Variants in SOX6 observed in about 807,000 individuals in gnomAD.
The protein encoded by SOX6 is SRY-box transcription factor 6.
SOX6 carries 11 observed loss-of-function variants against 97.8 expected under a neutral mutation model. The observed-to-expected ratio is 0.11, with a 90% confidence interval of 0.07 to 0.19. The LOEUF (loss-of-function observed/expected upper bound fraction) is 0.19, where lower values mean the gene tolerates loss of function less well. Among genes scored for constraint, SOX6 ranks in the 10% least tolerant of loss-of-function variants. The probability of loss-of-function intolerance (pLI) is 1.00; values close to 1 mark genes in which losing one functional copy is unlikely to be tolerated. For synonymous variants in SOX6, 360 were observed against 371.4 expected (o/e 0.97, Z 0.35); for missense variants, 810 against 1,039.5 (o/e 0.78, Z 3.04).
chr11:16,254,195 C>T (rs182379169), intron 3 of SOX6, among the ~76,000 whole-genome samples: 69 of 151,806 alleles, frequency 4.5e-4, no homozygotes, highest in South Asian at 6.2e-4. Flanking sequence ...AAATGTGTTG[C>T]CAGGAGATGT....
At chr11:16,328,240 C>T (rs944084798) in intron 2 of SOX6, among the ~76,000 whole-genome samples, 3 of 152,098 alleles carry the variant, frequency 2.0e-5, no homozygotes, top group East Asian at 1.9e-4. Context: ...CTTCCTAAGA[C>T]GTTCTATGGT....
chr11:16,301,135 G>A (rs1855245333), intron 3 of SOX6, among the ~76,000 whole-genome samples: 2 of 152,066 alleles, frequency 1.3e-5, no homozygotes, highest in Admixed American at 1.3e-4. Flanking sequence ...CTAGCAATGT[G>A]AGAAACAAAC....
At chr11:16,185,296 G>A (rs897456857) in intron 5 of SOX6, among the ~76,000 whole-genome samples, 1 of 152,116 alleles carries the variant, frequency 6.6e-6, no homozygotes, top group Non-Finnish European at 1.5e-5. Flanking sequence ...CTCTGCTTGT[G>A]GATATTCAAA....
intron 4 of SOX6, among the ~76,000 whole-genome samples, chr11:16,540,326 T>C (rs551594738): frequency 6.6e-6 from 1 of 152,052 alleles, no homozygotes; most frequent in Non-Finnish European, 1.5e-5. Context: ...TATTTCAAAA[T>C]AATAAGAGCT....
chr11:16,135,725 C>T (rs1217015996), intron 6 of SOX6, among the ~76,000 whole-genome samples: 1 of 152,154 alleles, frequency 6.6e-6, no homozygotes, highest in Non-Finnish European at 1.5e-5. Context: ...ATGGTATGAA[C>T]ATTGTTGAAA....
chr11:16,068,450 T>G (rs1419528357), intron 9 of SOX6, among the ~76,000 whole-genome samples: 1 of 152,134 alleles, frequency 6.6e-6, no homozygotes, highest in East Asian at 1.9e-4. Flanking sequence ...TCACAAATAC[T>G]TTTACTTTTC....
intron 4 of SOX6, among the ~76,000 whole-genome samples, chr11:16,220,843 A>G (rs1225521693): frequency 6.6e-6 from 1 of 152,082 alleles, no homozygotes; most frequent in African/African-American, 2.4e-5. Flanking sequence ...TATACCTATC[A>G]TGAATCAAAC....
At chr11:16,686,358 C>G (rs1260464135) in intron 3 of SOX6, among the ~76,000 whole-genome samples, 1 of 152,146 alleles carries the variant, frequency 6.6e-6, no homozygotes, top group Non-Finnish European at 1.5e-5. Flanking sequence ...CATTCCTTTG[C>G]TCCTGTATCT....
intron 9 of SOX6, among the ~76,000 whole-genome samples, chr11:16,057,660 T>C (rs1184754790): frequency 6.6e-6 from 1 of 152,156 alleles, no homozygotes; most frequent in Non-Finnish European, 1.5e-5. Flanking sequence ...TCTTCCCTTT[T>C]AGTTAACTGT....
chr11:16,450,607 T>C (rs1244522124), intron 1 of SOX6, among the ~76,000 whole-genome samples: 1 of 152,232 alleles, frequency 6.6e-6, no homozygotes, highest in Non-Finnish European at 1.5e-5. Context: ...TCAATGCACA[T>C]TTAACCATCT....
intron 3 of SOX6, among the ~76,000 whole-genome samples, chr11:16,622,558 TG>T (rs1472527033): frequency 2.6e-5 from 4 of 152,238 alleles, no homozygotes; most frequent in African/African-American, 9.6e-5. Context: ...CTTACAATAA[TG>T]GTCTCCAATT....
At chr11:16,329,970 C>A (rs529117495) in intron 2 of SOX6, among the ~76,000 whole-genome samples, 26 of 152,288 alleles carry the variant, frequency 1.7e-4, no homozygotes, top group Admixed American at 3.3e-4. Flanking sequence ...CCTTTCTATC[C>A]TCTCTTCATC....
rs554055557 is a variant in SOX6 at position 16,559,232 on chromosome 11, G to A, written n.609+52849C>T. ...AATACCTTTTCACTAGTATCATAAT[G>A]GTATCTGAAACTCTTTCAAACATCA... On this transcript the variant is annotated intron_variant and non_coding_transcript_variant, in intron 4 of 5. Coordinates refer to the SOX6 transcript ENST00000524520. Among the ~76,000 whole-genome samples, 5 of 152,102 alleles carry A rather than the reference G, an allele frequency of 3.3e-5. No homozygotes were observed. The South Asian group carries it at 1.0e-3, about 32-fold the overall frequency.
chr11:16,138,225 G>C (rs1850025337), intron 6 of SOX6, among the ~76,000 whole-genome samples: 1 of 152,184 alleles, frequency 6.6e-6, no homozygotes, highest in Non-Finnish European at 1.5e-5. Context: ...ATAAGTGCTA[G>C]ATAGTTCCAT....
chr11:16,731,531 G>A (rs956572272), intron 2 of SOX6, among the ~76,000 whole-genome samples: 1 of 152,122 alleles, frequency 6.6e-6, no homozygotes, highest in South Asian at 2.1e-4. Flanking sequence ...AAAGGCCTTC[G>A]ATAAAATTCA....
chr11:16,282,879 G>C (rs999902127), intron 3 of SOX6, among the ~76,000 whole-genome samples: 1 of 149,860 alleles, frequency 6.7e-6, no homozygotes, highest in Admixed American at 6.7e-5. Context: ...CTTACTACTT[G>C]AAGTGATTAT....
chr11:16,087,268 A>G (rs1848598820), intron 9 of SOX6, among the ~76,000 whole-genome samples: 1 of 152,170 alleles, frequency 6.6e-6, no homozygotes, highest in African/African-American at 2.4e-5. Context: ...TACACATATA[A>G]TATTAATACT....
chr11:16,577,034 C>G (rs1431194458), intron 4 of SOX6: 1 of 152,094 alleles, frequency 6.6e-6, no homozygotes, highest in Admixed American at 6.5e-5. Context: ...GAACGGTAAA[C>G]CGGCCCAGGT....
intron 1 of SOX6, among the ~76,000 whole-genome samples, chr11:16,451,999 T>TAAATAAATA (rs1309885731): frequency 6.6e-6 from 1 of 151,148 alleles, no homozygotes; most frequent in Non-Finnish European, 1.5e-5. Context: ...AATAAATAAA[T>TAAATAAATA]AAATAAATAA....
Sources: allele counts gnomAD v4.1 joint callset (sites outside exome capture counted in the v4.1 genomes callset), GRCh38; gene constraint gnomAD v4.1.1; transcripts MANE v1.5; gene names NCBI Gene and HGNC (gene_info 2026-07-23, HGNC 2026-07-21).